CAMKMT: variants seen among roughly 807,000 people sequenced by gnomAD.
CAMKMT encodes calmodulin-lysine N-methyltransferase.
In CAMKMT, 53 loss-of-function variants were observed where a neutral mutation model predicts 48.0. That is an observed-to-expected ratio of 1.10 (90% CI 0.89 to 1.39). The LOEUF is 1.39. CAMKMT is among the 40% of genes most tolerant of loss of function. The pLI is 0.00. For synonymous variants in CAMKMT, 165 were observed against 152.3 expected (o/e 1.08, Z -0.61); for missense variants, 428 against 402.7 (o/e 1.06, Z -0.54).
At chr2:44,736,673 A>C (rs1338446757) in intron 7 of CAMKMT, among the ~76,000 whole-genome samples, 1 of 152,212 alleles carries the variant, frequency 6.6e-6, no homozygotes, top group Non-Finnish European at 1.5e-5. Flanking sequence ...ATTGTCCCAC[A>C]GCTCACTCTT....
At chr2:44,595,632 T>C (rs879527732) in intron 3 of CAMKMT, among the ~76,000 whole-genome samples, 2 of 152,138 alleles carry the variant, frequency 1.3e-5, no homozygotes, top group Non-Finnish European at 2.9e-5. Context: ...CTTCACAGAA[T>C]TGGAAAAAGC....
intron 7 of CAMKMT, among the ~76,000 whole-genome samples, chr2:44,743,343 G>A (rs1003751677): frequency 6.6e-6 from 1 of 151,956 alleles, no homozygotes; most frequent in African/African-American, 2.4e-5. Flanking sequence ...AATGACTACG[G>A]TAAAGATAAG....
chr2:44,492,643 T>G (rs1181878899), intron 3 of CAMKMT, among the ~76,000 whole-genome samples: 1 of 152,146 alleles, frequency 6.6e-6, no homozygotes, highest in Admixed American at 6.5e-5. Flanking sequence ...TGTTGGTTTG[T>G]GGGTTGGGCC....
chr2:44,585,048 C>G lies in CAMKMT; in HGVS notation c.377-119235C>G, dbSNP rs149989763. On this transcript the variant is annotated intron_variant, in intron 3 of 10. Transcript: ENST00000378494. ...CCAGCCTGGGTGACAGAGCGAGACT[C>G]CGTCTGAAAAAAAAAAAAATGTAAA... is the stretch of plus-strand genomic sequence containing the variant. 6.1e-3 allele frequency among the ~76,000 whole-genome samples: 922 copies of G among 151,162 alleles called. 11 individuals are homozygous for G. The highest frequency in any genetic ancestry group is 0.021 in the African/African-American group (874 of 40,964).
At chr2:44,673,512 A>AGGAAGGAG (rs747032022) in intron 3 of CAMKMT, among the ~76,000 whole-genome samples, 3 of 115,260 alleles carry the variant, frequency 2.6e-5, no homozygotes, top group African/African-American at 1.1e-4. Flanking sequence ...GAAGGAAGGA[A>AGGAAGGAG]GGAAGGAAGG....
chr2:44,580,545 T>C (rs1324463678), intron 3 of CAMKMT, among the ~76,000 whole-genome samples: 1 of 152,184 alleles, frequency 6.6e-6, no homozygotes, highest in Non-Finnish European at 1.5e-5. Flanking sequence ...AAATAGTGTT[T>C]TTCACTAAAT....
chr2:44,753,964 C>A, intron 8 of CAMKMT, 91 bp from the exon 9 acceptor site: 3 of 838,114 alleles, frequency 3.6e-6, no homozygotes, highest in East Asian at 2.6e-5. Context: ...GTTGGGTAAA[C>A]ATGTGTAATT....
At chr2:44,563,480 A>G (rs1368278600) in intron 3 of CAMKMT, among the ~76,000 whole-genome samples, 1 of 151,464 alleles carries the variant, frequency 6.6e-6, no homozygotes, top group South Asian at 2.1e-4. Context: ...TTTTTTTATT[A>G]TTATCCCCCA....
At chr2:44,664,627 A>G (rs1674856373) in intron 3 of CAMKMT, among the ~76,000 whole-genome samples, 1 of 152,264 alleles carries the variant, frequency 6.6e-6, no homozygotes, top group African/African-American at 2.4e-5. Flanking sequence ...TTAAGAGGAA[A>G]TAAAACAAAT....
intron 3 of CAMKMT, among the ~76,000 whole-genome samples, chr2:44,450,570 G>T (rs1486954438): frequency 6.6e-6 from 1 of 151,890 alleles, no homozygotes; most frequent in East Asian, 1.9e-4. Context: ...TATATTTTTA[G>T]TTACACTTTC....
At chr2:44,620,557 A>G (rs1166739314) in intron 3 of CAMKMT, among the ~76,000 whole-genome samples, 5 of 152,126 alleles carry the variant, frequency 3.3e-5, no homozygotes, top group Admixed American at 2.6e-4. Flanking sequence ...CCCATTCCCC[A>G]TTGAAACAGG....
chr2:44,448,698 G>T (rs1323312006), intron 3 of CAMKMT, among the ~76,000 whole-genome samples: 1 of 152,074 alleles, frequency 6.6e-6, no homozygotes, highest in Non-Finnish European at 1.5e-5. Flanking sequence ...TTTCACTAAT[G>T]ATTATGTATA....
At chr2:44,720,230 C>A (rs1357944740) in intron 7 of CAMKMT, among the ~76,000 whole-genome samples, 3 of 151,974 alleles carry the variant, frequency 2.0e-5, no homozygotes, top group Non-Finnish European at 4.4e-5. Flanking sequence ...TTTTAGGGAC[C>A]CTCTTAAACT....
intron 3 of CAMKMT, among the ~76,000 whole-genome samples, chr2:44,472,604 G>A (rs1029593252): frequency 2.6e-5 from 4 of 152,072 alleles, no homozygotes; most frequent in Non-Finnish European, 5.9e-5. Flanking sequence ...TACAATGTAA[G>A]CAAGAACCTG....
rs554937112 is a variant in CAMKMT, at chr2:44,377,977, T to C, written c.311+5089T>C. Among the ~76,000 whole-genome samples the C allele has an allele frequency of 3.9e-5, 6 of 152,346 alleles. No homozygotes were observed. The East Asian group carries it at 5.8e-4, about 15-fold the overall frequency. On this transcript the variant is annotated intron_variant, in intron 2 of 10. Transcript: ENST00000378494. ...AGATGTATGGCAGATTATTTTTGTA[T>C]GTGTAGTATAACCTAGGTACGTATA...
chr2:44,423,014 T>C (rs1366114281), intron 3 of CAMKMT, among the ~76,000 whole-genome samples: 1 of 152,182 alleles, frequency 6.6e-6, no homozygotes, highest in African/African-American at 2.4e-5. Flanking sequence ...TCACTCTGTA[T>C]CTTCCACCTG....
intron 3 of CAMKMT, among the ~76,000 whole-genome samples, chr2:44,510,554 C>G (rs1417292891): frequency 2.0e-5 from 3 of 152,144 alleles, no homozygotes; most frequent in African/African-American, 7.2e-5. Context: ...TAATAAATAT[C>G]TTGTTGAGAC....
chr2:44,446,628 C>T (rs868656656), intron 3 of CAMKMT, among the ~76,000 whole-genome samples: 7 of 152,142 alleles, frequency 4.6e-5, no homozygotes, highest in Non-Finnish European at 8.8e-5. Flanking sequence ...TTACAGGCCG[C>T]GCCACTATGC....
In CAMKMT at chr2:44,440,754, A is replaced by G. The variant is rs529107434; in HGVS notation, c.376+50449A>G. Among the ~76,000 whole-genome samples, 415 of 152,236 alleles carry G rather than the reference A, an allele frequency of 2.7e-3. 1 individual carries two copies. Among genetic ancestry groups the G allele is most frequent in the African/African-American group, 9.5e-3 (394 of 41,536 alleles). ...TTCCTTTCCAAGACATTAATTTTCC[A>G]CAGTAGTATCACATACTCTTAGAAT... On this transcript the variant is annotated intron_variant, in intron 3 of 10. Coordinates refer to ENST00000378494, the MANE Select transcript of CAMKMT (RefSeq NM_024766.5).
Sources: gnomAD v4.1 joint callset for allele counts (sites outside exome capture counted in the v4.1 genomes callset) on GRCh38, gnomAD v4.1.1 for gene constraint, MANE v1.5 for transcripts, NCBI Gene and HGNC (gene_info 2026-07-23, HGNC 2026-07-21) for gene names.